TRMO: variants seen among roughly 807,000 people sequenced by gnomAD.
TRMO encodes tRNA methyltransferase O.
Under a neutral mutation model 37.2 loss-of-function variants are expected in TRMO, and 30 were observed. The ratio of observed to expected loss-of-function variants is 0.81; its 90% CI spans 0.60 to 1.09. TRMO has a LOEUF of 1.09. Among genes scored for constraint, TRMO ranks in the 50% least tolerant of loss-of-function variants. TRMO has a pLI of 0.00. For synonymous variants in TRMO, 239 were observed against 199.4 expected (o/e 1.20, Z -1.67); for missense variants, 552 against 549.5 (o/e 1.00, Z -0.05).
At chr9:97,919,267 A>T (rs925939390) in intron 1 of TRMO, among the ~76,000 whole-genome samples, 26 of 152,232 alleles carry the variant, frequency 1.7e-4, no homozygotes, top group Middle Eastern at 3.4e-3. Context: ...CCAGCCACAA[A>T]ATCCCTGTGT....
intron 4 of TRMO, among the ~76,000 whole-genome samples, chr9:97,906,784 G>A (rs1383198823): frequency 6.7e-6 from 1 of 149,878 alleles, no homozygotes; most frequent in Admixed American, 6.7e-5. Context: ...GGCGGTTGCG[G>A]TGAGCCGAGA....
At chr9:97,899,847 T>G (rs1439765715), downstream of TRMO, among the ~76,000 whole-genome samples, 2 of 151,912 alleles carry the variant, frequency 1.3e-5, no homozygotes, top group East Asian at 3.9e-4. Context: ...GAGCTATGAC[T>G]GAGCCACTGC....
chr9:97,909,060 T>C (rs996748016), intron 4 of TRMO, among the ~76,000 whole-genome samples: 2 of 152,182 alleles, frequency 1.3e-5, no homozygotes, highest in African/African-American at 4.8e-5. Flanking sequence ...GTTCAAGCAA[T>C]TCTCCTGCCT....
intron 1 of TRMO, among the ~76,000 whole-genome samples, chr9:97,919,344 T>G (rs890732628): frequency 2.8e-5 from 4 of 144,202 alleles, no homozygotes; most frequent in African/African-American, 1.0e-4. Flanking sequence ...ATGAGTTAGC[T>G]CTGCTCCACA....
intron 2 of TRMO, 41 bp from the exon 3 acceptor site, chr9:97,913,599 G>C (rs1826227497): frequency 1.5e-6 from 2 of 1,355,862 alleles, no homozygotes; most frequent in Non-Finnish European, 1.0e-6. Flanking sequence ...AATAAGAAAA[G>C]AGCACAAGTT....
chr9:97,901,884 T>C (rs1443892381), downstream of TRMO, among the ~76,000 whole-genome samples: 9 of 152,112 alleles, frequency 5.9e-5, no homozygotes, highest in Admixed American at 5.2e-4. Flanking sequence ...CAACCAGAGA[T>C]GCACATTTCC....
At chr9:97,922,152 G>A (rs1027207408) in intron 1 of TRMO, among the ~76,000 whole-genome samples, 1 of 152,070 alleles carries the variant, frequency 6.6e-6, no homozygotes, top group African/African-American at 2.4e-5. Context: ...AAGCCCCTAC[G>A]CTGCACGTAG....
chr9:97,915,882 C>A (rs1255977013), intron 2 of TRMO: 2 of 240,538 alleles, frequency 8.3e-6, no homozygotes, highest in Admixed American at 5.6e-5. Flanking sequence ...ACCAAAAATA[C>A]AAAAAAGAAT....
intron 3 of TRMO, chr9:97,913,030 A>C: frequency 1.3e-6 from 1 of 756,928 alleles, no homozygotes; most frequent in Non-Finnish European, 2.0e-6. Flanking sequence ...ATGTGCATGT[A>C]CAATGAGTTA....
At position 97,904,801 on chromosome 9, in the gene TRMO, TC is replaced by T. The variant is rs746411242; in HGVS notation, c.1257del (p.Ile420SerfsTer10). The T allele has an allele frequency of 1.9e-6, 3 of 1,614,156 alleles. No homozygotes were observed. The Admixed American group carries it at 5.0e-5, about 27-fold the overall frequency. ...WFGDGFAEVL[R>X]IKPASEPVHM... is the part of the protein sequence containing the mutation. Reference sequence around the variant, plus strand: ...TGAACAGGCTCAGAAGCCGGCTTGATCCTCAGCACCTCTGCAAAGCCATCAC... The same window carrying T: ...TGAACAGGCTCAGAAGCCGGCTTGATCTCAGCACCTCTGCAAAGCCATCAC... On this transcript the variant is annotated frameshift_variant, in exon 5 of 5. Coordinates refer to ENST00000375119, the MANE Select transcript of TRMO (RefSeq NM_016481.5). LOFTEE classifies it low-confidence loss of function (END_TRUNC).
chr9:97,922,345 C>A, intron 1 of TRMO, 73 bp downstream of exon 1: 1 of 1,026,136 alleles, frequency 9.7e-7, no homozygotes, highest in Non-Finnish European at 1.5e-6. Flanking sequence ...GTTTTACACC[C>A]CTCTCGGCAA....
chr9:97,915,477 A>C (rs1197704797), intron 2 of TRMO, among the ~76,000 whole-genome samples: 1 of 152,226 alleles, frequency 6.6e-6, no homozygotes, highest in Non-Finnish European at 1.5e-5. Flanking sequence ...AAAATGGGCC[A>C]TAGTTTACTG....
intron 1 of TRMO, among the ~76,000 whole-genome samples, chr9:97,916,559 G>A (rs1826372231): frequency 6.6e-6 from 1 of 151,970 alleles, no homozygotes; most frequent in Non-Finnish European, 1.5e-5. Flanking sequence ...TATCCCTTTA[G>A]ATATACTAGA....
intron 4 of TRMO, among the ~76,000 whole-genome samples, chr9:97,909,232 G>C (rs546400067): frequency 1.5e-4 from 23 of 152,330 alleles, no homozygotes; most frequent in African/African-American, 4.8e-4. Context: ...GATTACAGGA[G>C]TGAGCCACCG....
chr9:97,910,662 G>T (rs773786271), intron 3 of TRMO, 46 bp from the exon 4 acceptor site: 1 of 1,591,126 alleles, frequency 6.3e-7, no homozygotes, highest in Non-Finnish European at 8.5e-7. Context: ...CAAACACTTG[G>T]AGAATACAGT....
rs901346538 is a variant in TRMO, at chr9:97,904,580, C to A, written c.*153G>T. On this transcript the variant is annotated 3_prime_UTR_variant, in exon 5 of 5. Transcript: ENST00000375119. ...TCTTTGTTAAGTTTATTAATGTATA[C>A]GTTTTTCAAATAAACATTTTGAACA... The A allele has an allele frequency of 6.8e-7, 1 of 1,480,670 alleles. No individual in the cohort carries two copies. 91.7% of individuals were successfully genotyped at this position (1,480,670 alleles called of 1,614,324 possible).
chr9:97,917,021 GA>G (rs1826401735), intron 1 of TRMO, among the ~76,000 whole-genome samples: 1 of 151,928 alleles, frequency 6.6e-6, no homozygotes, highest in Non-Finnish European at 1.5e-5. Context: ...GGCTGGTCTT[GA>G]ACTCTTGATC....
At chr9:97,911,015 C>A (rs1440429041) in intron 3 of TRMO, 1 of 464,442 alleles carries the variant, frequency 2.2e-6, no homozygotes, top group Admixed American at 2.4e-5. Context: ...GGGACCAACT[C>A]ATCTTTGTAT....
intron 1 of TRMO, among the ~76,000 whole-genome samples, chr9:97,919,957 T>G (rs1180433165): frequency 6.6e-6 from 1 of 152,190 alleles, no homozygotes; most frequent in African/African-American, 2.4e-5. Context: ...AATATCCATA[T>G]CCTAGTACGT....
Sources: gnomAD v4.1 joint callset for allele counts (sites outside exome capture counted in the v4.1 genomes callset) on GRCh38, gnomAD v4.1.1 for gene constraint, MANE v1.5 for transcripts, NCBI Gene and HGNC (gene_info 2026-07-23, HGNC 2026-07-21) for gene names.